CRYBG2: variants seen among roughly 807,000 people sequenced by gnomAD.
CRYBG2 encodes the protein beta/gamma crystallin domain-containing protein 2.
CRYBG2 carries 106 observed loss-of-function variants against 153.4 expected under a neutral mutation model. The observed-to-expected ratio is 0.69, with a 90% CI of 0.59 to 0.81. The LOEUF (loss-of-function observed/expected upper bound fraction) is 0.81. Ranked by LOEUF, CRYBG2 falls within the 30% of genes least tolerant of loss-of-function variation. The probability of loss-of-function intolerance (pLI) is 0.00; values close to 1 mark genes in which losing one functional copy is unlikely to be tolerated. For missense variants in CRYBG2, 1,996 were observed against 2,112.0 expected, an observed-to-expected ratio of 0.95 and a Z score of 1.08; for synonymous variants, 851 against 877.8, an observed-to-expected ratio of 0.97 and a Z score of 0.54.
At position 26,345,728 on chromosome 1, in the gene CRYBG2, T is replaced by C; in HGVS notation, c.930A>G (p.Ala310=). ...AHLPKNQDAP[A]ACPDRDQGRA... is the part of the protein sequence containing the mutation. ...TGCCCTGGTCTCTGTCCGGACAGGCTGCAGGGGCATCCTGATTCTTAGGCA... is the reference window on the plus strand; with the variant it reads ...TGCCCTGGTCTCTGTCCGGACAGGCCGCAGGGGCATCCTGATTCTTAGGCA... The change falls in exon 2 of 20, where the codon GCA becomes GCG. Residue 310 remains alanine (A), a synonymous_variant. Coordinates refer to ENST00000308182, the MANE Select transcript of CRYBG2 (RefSeq NM_001039775.4). 1 of 1,597,428 alleles carries C rather than the reference T, an allele frequency of 6.3e-7. No individual in the cohort carries two copies. Among genetic ancestry groups the C allele is most frequent in the Non-Finnish European group, 8.5e-7 (1 of 1,179,110 alleles).
intron 5 of CRYBG2, 116 bp from the exon 6 acceptor site, chr1:26,339,545 C>T (rs745475643): frequency 1.2e-3 from 1,289 of 1,112,838 alleles, no homozygotes; most frequent in Non-Finnish European, 1.4e-3. Flanking sequence ...GTCAGCAGTT[C>T]GAGACCAGCT....
chr1:26,333,059 C>T (rs945355005), intron 14 of CRYBG2, among the ~76,000 whole-genome samples: 1 of 62,578 alleles, frequency 1.6e-5, no homozygotes, highest in Non-Finnish European at 3.6e-5. Flanking sequence ...TTTCTAACAG[C>T]GGGAGAGAGG....
chr1:26,336,081 C>A lies in CRYBG2; in HGVS notation c.4184+14G>T. On this transcript the variant is annotated intron_variant, in intron 14 of 19. Transcript: ENST00000308182. This position sits in a 1 kb window ranked among gnomAD's most constrained non-coding sequence, Gnocchi z 4.9. Reference sequence around the variant, plus strand: ...CCCCAGCGCCCCCAGCCCTCCGCCCCTCCACGTTCTCACCTGCCGCCGTGG... The same window carrying A: ...CCCCAGCGCCCCCAGCCCTCCGCCCATCCACGTTCTCACCTGCCGCCGTGG... 1 of 1,449,684 alleles carries A rather than the reference C, an allele frequency of 6.9e-7. No homozygotes were observed. 89.8% of individuals were successfully genotyped at this position (1,449,684 alleles called of 1,614,324 possible).
intron 1 of CRYBG2, among the ~76,000 whole-genome samples, chr1:26,349,189 A>G (rs1183808761): frequency 6.6e-6 from 1 of 152,042 alleles, no homozygotes; most frequent in Non-Finnish European, 1.5e-5. Flanking sequence ...TTTTAAAAAA[A>G]AAGTAAATAA....
intron 6 of CRYBG2, among the ~76,000 whole-genome samples, chr1:26,339,087 C>T (rs1181018409): frequency 6.6e-6 from 1 of 152,192 alleles, no homozygotes; most frequent in Non-Finnish European, 1.5e-5. Context: ...TCTCTGACTT[C>T]CACACTCTGC....
At chr1:26,353,409 G>C (rs1380983613) in intron 1 of CRYBG2, among the ~76,000 whole-genome samples, 1 of 151,960 alleles carries the variant, frequency 6.6e-6, no homozygotes, top group East Asian at 1.9e-4. Context: ...CCACCTCTGC[G>C]CCCCCCAGGC....
intron 17 of CRYBG2, 90 bp from the exon 18 acceptor site, chr1:26,324,400 G>T (rs906153676): frequency 2.9e-6 from 4 of 1,379,428 alleles, no homozygotes; most frequent in Non-Finnish European, 3.8e-6. Flanking sequence ...TCCAGTATCA[G>T]GCTCCCAAGC....
intron 5 of CRYBG2, among the ~76,000 whole-genome samples, chr1:26,341,157 T>C (rs572987707): frequency 1.7e-4 from 25 of 151,362 alleles, no homozygotes; most frequent in Non-Finnish European, 3.1e-4. Context: ...GCTAACACGG[T>C]GAAACCCCGT....
intron 1 of CRYBG2, among the ~76,000 whole-genome samples, chr1:26,350,067 C>T (rs183457821): frequency 7.2e-5 from 11 of 152,174 alleles, no homozygotes; most frequent in African/African-American, 2.4e-4. Context: ...TGCCCACCTC[C>T]GCCTCCCACA....
rs755917093 is a variant in CRYBG2, at chr1:26,337,710, CA to C, written c.3508-37del. 1,675 of 1,602,556 alleles carry C rather than the reference CA, an allele frequency of 1.0e-3. 17 individuals are homozygous for C. The African/African-American group carries it at 0.02, about 19-fold the overall frequency. ...GGGGCTGTCAGGAGTCATCTGGACC[CA>C]AACACACCCAGCCAGCTCAGGAATG... On this transcript the variant is annotated intron_variant, in intron 8 of 19. Transcript: ENST00000308182.
rs1161318657 is a variant in CRYBG2, at chr1:26,345,884, A to T, written c.774T>A (p.Ala258=). Residue 258 remains alanine (A), a synonymous_variant, in exon 2 of 20, where the codon GCT becomes GCA. Coordinates refer to ENST00000308182, the MANE Select transcript of CRYBG2 (RefSeq NM_001039775.4). ...PPASHLPRPT[A]GGPRSTGLGS... ...CCAGACCTGTGCTCCTTGGCCCGCCAGCCGTGGGCCTGGGCAGGTGACTGG... is the reference window on the plus strand; with the variant it reads ...CCAGACCTGTGCTCCTTGGCCCGCCTGCCGTGGGCCTGGGCAGGTGACTGG... 6.3e-7 allele frequency: 1 copy of T among 1,597,506 alleles called. No homozygotes were observed. The highest frequency in any genetic ancestry group is 8.5e-7 in the Non-Finnish European group (1 of 1,179,592).
Position 26,325,275 on chromosome 1 carries a change from C to A in CRYBG2, c.4579-965G>T, listed in dbSNP as rs1320360938. On this transcript the variant is annotated intron_variant, in intron 17 of 19. Transcript: ENST00000308182. This position sits in a 1 kb window ranked among gnomAD's most constrained non-coding sequence, Gnocchi z 4.1. ...GCATGCGCAGTCATAAATGCAATCC[C>A]GGCCGGGCGCGGAGGCTCACGCCTG... Among the ~76,000 whole-genome samples, 3 of 152,262 alleles carry A rather than the reference C, an allele frequency of 2.0e-5. No individual in the cohort carries two copies. In the South Asian group the frequency reaches 6.2e-4, roughly 32 times the overall value.
Position 26,336,387 on chromosome 1 carries a change from A to C in CRYBG2, c.4039-17T>G, listed in dbSNP as rs767532336. ...CTCCCCGACCTGAAGGTAGGGACCG[A>C]ATCGAGAATTAGGGAGGGTGCCGGC... On this transcript the variant is annotated splice_polypyrimidine_tract_variant and intron_variant, in intron 12 of 19. Coordinates refer to ENST00000308182, the MANE Select transcript of CRYBG2 (RefSeq NM_001039775.4). The surrounding 1 kb of genome is among the most constrained non-coding windows in gnomAD (Gnocchi z 4.9). The C allele has an allele frequency of 1.9e-6, 3 of 1,612,776 alleles. No homozygotes were observed. The highest frequency in any genetic ancestry group is 2.5e-6 in the Non-Finnish European group (3 of 1,179,386).
At chr1:26,331,871 C>G (rs2124698034) in intron 14 of CRYBG2, among the ~76,000 whole-genome samples, 1 of 152,332 alleles carries the variant, frequency 6.6e-6, no homozygotes, top group East Asian at 1.9e-4. Context: ...TCAGCAATCT[C>G]ATACCTAGGA....
Position 26,342,476 on chromosome 1 carries a change from T to C in CRYBG2, c.3204+278A>G, listed in dbSNP as rs138919637. Among the ~76,000 whole-genome samples, 357 of 152,308 alleles carry C rather than the reference T, an allele frequency of 2.3e-3. 2 individuals carry two copies. The highest frequency in any genetic ancestry group is 7.5e-3 in the African/African-American group (313 of 41,580). ...GTGCAGTGGTGCAATCCAGGCTTAC[T>C]GCAACCTCTGCCTCCCGGGTTCAAG... On this transcript the variant is annotated intron_variant, in intron 5 of 19. Coordinates refer to ENST00000308182, the MANE Select transcript of CRYBG2 (RefSeq NM_001039775.4).
rs11247913 is a variant in CRYBG2, at chr1:26,322,060, G to A, written c.4898-4C>T. 11 of 1,603,988 alleles carry A rather than the reference G, an allele frequency of 6.9e-6. No individual in the cohort carries two copies. In the East Asian group the frequency reaches 2.2e-4, roughly 33 times the overall value. On this transcript the variant is annotated splice_region_variant and splice_polypyrimidine_tract_variant and intron_variant, in intron 19 of 19. Transcript: ENST00000308182. ...TCCCGGTCGTAGCCCCGGCCTCCTGGGGGTGGGATGGGGATTAAAAGATAG... is the reference window on the plus strand; with the variant it reads ...TCCCGGTCGTAGCCCCGGCCTCCTGAGGGTGGGATGGGGATTAAAAGATAG...
intron 17 of CRYBG2, among the ~76,000 whole-genome samples, chr1:26,326,422 C>G (rs1453533907): frequency 5.3e-5 from 8 of 151,696 alleles, no homozygotes; most frequent in African/African-American, 1.9e-4. Flanking sequence ...CCTGTAGTCC[C>G]AGCTACTCAG....
chr1:26,341,154 C>T (rs750819255), intron 5 of CRYBG2, among the ~76,000 whole-genome samples: 27 of 151,596 alleles, frequency 1.8e-4, no homozygotes, highest in African/African-American at 5.6e-4. Flanking sequence ...CTGGCTAACA[C>T]GGTGAAACCC....
intron 14 of CRYBG2, among the ~76,000 whole-genome samples, chr1:26,333,697 C>A (rs941765239): frequency 1.3e-5 from 2 of 152,162 alleles, no homozygotes; most frequent in African/African-American, 4.8e-5. Flanking sequence ...GTGGCCAGCA[C>A]CTTGATCTTG....
Sources: gnomAD v4.1 joint callset for allele counts (sites outside exome capture counted in the v4.1 genomes callset) on GRCh38, gnomAD v4.1.1 for gene constraint, Gnocchi (gnomAD v3.1) non-coding constraint, MANE v1.5 for transcripts, NCBI Gene and HGNC (gene_info 2026-07-23, HGNC 2026-07-21) for gene names.